The following SH3PXD2A variants were observed in gnomAD, a reference collection of about 807,000 sequenced individuals.
The protein encoded by SH3PXD2A is SH3 and PX domains 2A, also known as SH3 and PX domain-containing protein 2A.
SH3PXD2A carries 32 observed loss-of-function variants against 115.2 expected under a neutral mutation model. The ratio of observed to expected loss-of-function variants is 0.28; its 90% CI spans 0.21 to 0.37. SH3PXD2A has a LOEUF of 0.37. Among genes scored for constraint, SH3PXD2A ranks in the 10% least tolerant of loss-of-function variants. The pLI, the probability that SH3PXD2A is intolerant of heterozygous loss-of-function variation, is 1.00. For missense variants in SH3PXD2A, 1,328 were observed against 1,498.7 expected, an observed-to-expected ratio of 0.89 and a Z score of 1.88; for synonymous variants, 610 against 629.1, an observed-to-expected ratio of 0.97 and a Z score of 0.45.
intron 6 of SH3PXD2A, among the ~76,000 whole-genome samples, chr10:103,689,274 CCTGGAGAGATGAAGGGGTT>C (rs2037718293): frequency 6.6e-6 from 1 of 152,012 alleles, no homozygotes; most frequent in African/African-American, 2.4e-5. Flanking sequence ...GTGGGGTCTT[CCTGGAGAGATGAAGGGGTT>C]TCTAAGGCAT....
intron 3 of SH3PXD2A, among the ~76,000 whole-genome samples, chr10:103,757,349 C>T (rs930545522): frequency 3.3e-5 from 5 of 152,194 alleles, no homozygotes; most frequent in Non-Finnish European, 7.3e-5. Context: ...TCTGGAGACC[C>T]AGGCCCGGGT....
At chr10:103,623,275 T>A (rs7898850) in intron 9 of SH3PXD2A, among the ~76,000 whole-genome samples, 85 of 147,850 alleles carry the variant, frequency 5.7e-4, no homozygotes, top group Middle Eastern at 3.4e-3. Flanking sequence ...AGGGGCCCCC[T>A]CCCCAGCTTC....
intron 2 of SH3PXD2A, among the ~76,000 whole-genome samples, chr10:103,779,521 T>A (rs1367997278): frequency 1.3e-5 from 2 of 151,880 alleles, no homozygotes; most frequent in Non-Finnish European, 2.9e-5. Flanking sequence ...GCTGCAGGGG[T>A]CATCTGAAAC....
chr10:103,702,585 C>CTGTGTGCGTGTG (rs1554913249), intron 5 of SH3PXD2A, among the ~76,000 whole-genome samples: 16 of 32,984 alleles, frequency 4.9e-4, no homozygotes, highest in African/African-American at 1.7e-3. Flanking sequence ...AGATGTAAGC[C>CTGTGTGCGTGTG]TGTGTGTGTG....
At chr10:103,767,396 G>T (rs147032455) in intron 2 of SH3PXD2A, among the ~76,000 whole-genome samples, 1 of 152,206 alleles carries the variant, frequency 6.6e-6, no homozygotes, top group Admixed American at 6.5e-5. Flanking sequence ...CTCAGTGAGC[G>T]GGTAGGAGTG....
chr10:103,655,584 C>A (rs1199480454), intron 8 of SH3PXD2A, among the ~76,000 whole-genome samples: 2 of 151,886 alleles, frequency 1.3e-5, no homozygotes, highest in African/African-American at 4.8e-5. Context: ...ACCAGCTTGA[C>A]CAACTTGGTA....
intron 6 of SH3PXD2A, among the ~76,000 whole-genome samples, chr10:103,669,154 T>C (rs2037425207): frequency 6.6e-6 from 1 of 152,206 alleles, no homozygotes; most frequent in East Asian, 1.9e-4. Context: ...CACTAGACCC[T>C]GATGTGTCAT....
At position 103,598,299 on chromosome 10, in the gene SH3PXD2A, T is replaced by G. The variant is rs2036162912; in HGVS notation, c.*3517A>C. On this transcript the variant is annotated 3_prime_UTR_variant, in exon 15 of 15. Transcript: ENST00000369774. ...TCAGGGTTGCCCCTTTCCAGCTCTC[T>G]CTCACTGCCCCCAAAGTCCCATGGC... The G allele has an allele frequency of 6.6e-6, 1 of 152,474 alleles. No homozygotes were observed. Among genetic ancestry groups the G allele is most frequent in the Non-Finnish European group, 1.5e-5 (1 of 68,038 alleles). The allele number at this position is 152,474 out of a possible 1,614,324, so 9.4% of individuals were successfully genotyped here.
chr10:103,805,586 A>G (rs1430255307), intron 1 of SH3PXD2A, among the ~76,000 whole-genome samples: 1 of 152,016 alleles, frequency 6.6e-6, no homozygotes, highest in African/African-American at 2.4e-5. Context: ...TTTGCCCTCT[A>G]CTCTTCAGAA....
chr10:103,647,058 T>TG (rs546697495), intron 8 of SH3PXD2A, among the ~76,000 whole-genome samples: 190 of 151,864 alleles, frequency 1.3e-3, no homozygotes, highest in African/African-American at 4.4e-3. Flanking sequence ...TAGTCAGGGG[T>TG]GGGGGGATGG....
intron 1 of SH3PXD2A, among the ~76,000 whole-genome samples, chr10:103,806,968 A>C (rs914558767): frequency 2.0e-5 from 3 of 152,160 alleles, no homozygotes; most frequent in African/African-American, 7.2e-5. Context: ...AGTCCCACCC[A>C]TCCAGAGGTC....
intron 9 of SH3PXD2A, among the ~76,000 whole-genome samples, chr10:103,626,799 G>T (rs533469072): frequency 3.2e-4 from 48 of 151,944 alleles, no homozygotes; most frequent in Non-Finnish European, 5.4e-4. Context: ...TAAGAAAAAG[G>T]GGGGTGGGTG....
chr10:103,627,188 T>C lies in SH3PXD2A; in HGVS notation c.619A>G (p.Ser207Gly). ...ACCCAGCCCTGCTCCTCAGAAGTGC[T>C]CACGAACCACCAGCCTGCAGGGAGG... The part of the protein sequence containing the change: ...EKNESGWWFV[S>G]TSEEQGWVPA... The change falls in exon 9 of 15, where the codon AGC (serine) becomes GGC (glycine). Residue 207 changes from serine (S) to glycine (G), a missense_variant. By Grantham distance (56) the Ser-to-Gly change is moderately conservative (BLOSUM62 0). Coordinates refer to ENST00000369774, the MANE Select transcript of SH3PXD2A (RefSeq NM_001394015.1). The surrounding 1 kb of genome is among the most constrained non-coding windows in gnomAD (Gnocchi z 4.4). The C allele has an allele frequency of 6.2e-7, 1 of 1,608,990 alleles. No homozygotes were observed. Among genetic ancestry groups the C allele is most frequent in the Non-Finnish European group, 8.5e-7 (1 of 1,175,554 alleles).
intron 5 of SH3PXD2A, among the ~76,000 whole-genome samples, chr10:103,717,538 G>A (rs1427404438): frequency 1.3e-5 from 2 of 152,208 alleles, no homozygotes; most frequent in African/African-American, 2.4e-5. Context: ...ATGAGGGCGT[G>A]GCCACTGGGC....
intron 1 of SH3PXD2A, among the ~76,000 whole-genome samples, chr10:103,817,409 C>T (rs1046207456): frequency 3.3e-5 from 5 of 152,030 alleles, no homozygotes; most frequent in East Asian, 1.9e-4. Context: ...GGTGCCATCT[C>T]GGCGCACTGC....
At chr10:103,610,049 C>T (rs2036401359) in intron 13 of SH3PXD2A, 1 of 152,310 alleles carries the variant, frequency 6.6e-6, no homozygotes, top group Admixed American at 6.5e-5. Flanking sequence ...AGCTGGAACT[C>T]AGCACTCCTT....
intron 5 of SH3PXD2A, among the ~76,000 whole-genome samples, chr10:103,694,940 A>G (rs1406244306): frequency 6.6e-6 from 1 of 152,226 alleles, no homozygotes; most frequent in Non-Finnish European, 1.5e-5. Flanking sequence ...GCAGAGACTG[A>G]GTCCTAGCTG....
rs138879425 is a variant in SH3PXD2A at position 103,668,543 on chromosome 10, C to G, written c.472+65G>C. 106 of 1,395,164 alleles carry G rather than the reference C, an allele frequency of 7.6e-5. No individual in the cohort carries two copies. The East Asian group carries it at 2.3e-3, about 30-fold the overall frequency. 86.4% of individuals were successfully genotyped at this position (1,395,164 alleles called of 1,614,324 possible). ...AAGCATGCGCAGGGCCTGCAGGCAC[C>G]GGCTCCCGCGCACACGGACCTGGAA... On this transcript the variant is annotated intron_variant, in intron 7 of 14. Coordinates refer to ENST00000369774, the MANE Select transcript of SH3PXD2A (RefSeq NM_001394015.1).
rs1316176949 is a variant in SH3PXD2A, at chr10:103,784,249, A to T, written c.153+17033T>A. On this transcript the variant is annotated intron_variant, in intron 2 of 14. Coordinates refer to ENST00000369774, the MANE Select transcript of SH3PXD2A (RefSeq NM_001394015.1). The surrounding 1 kb of genome is among the most constrained non-coding windows in gnomAD (Gnocchi z 4.4). ...CGCCCTCCCTGGACTTCAGACCCCA[A>T]GAGGTCACAGAAGCAGGGGTCGCCC... 6.6e-6 allele frequency among the ~76,000 whole-genome samples: 1 copy of T among 152,188 alleles called. No homozygotes were observed. Among genetic ancestry groups the T allele is most frequent in the Non-Finnish European group, 1.5e-5 (1 of 68,030 alleles).
Sources: gnomAD v4.1 joint callset for allele counts (sites outside exome capture counted in the v4.1 genomes callset) on GRCh38, gnomAD v4.1.1 for gene constraint, Gnocchi (gnomAD v3.1) non-coding constraint, MANE v1.5 for transcripts, NCBI Gene and HGNC (gene_info 2026-07-23, HGNC 2026-07-21) for gene names.